ACAD9: variants seen among roughly 807,000 people sequenced by gnomAD.
The protein encoded by ACAD9 is acyl-CoA dehydrogenase family member 9.
Under a neutral mutation model 70.2 loss-of-function variants are expected in ACAD9, and 53 were observed. The observed-to-expected ratio is 0.75, with a 90% CI of 0.61 to 0.95. The LOEUF is 0.95. Among genes scored for constraint, ACAD9 ranks in the 40% least tolerant of loss-of-function variants. The probability of loss-of-function intolerance (pLI) is 0.00; values close to 1 mark genes in which losing one functional copy is unlikely to be tolerated. For missense variants in ACAD9, 777 were observed against 802.8 expected (o/e 0.97, Z 0.39); for synonymous variants, 313 against 312.1 (o/e 1.00, Z -0.03).
intron 2 of ACAD9, 168 bp from the exon 3 acceptor site, chr3:128,893,387 T>C: frequency 6.9e-6 from 4 of 581,762 alleles, no homozygotes; most frequent in Non-Finnish European, 1.2e-5. Context: ...CCTGGGCTCA[T>C]TACATAAAAT....
chr3:128,898,018 G>A (rs910369321), intron 6 of ACAD9, among the ~76,000 whole-genome samples: 2 of 152,008 alleles, frequency 1.3e-5, no homozygotes, highest in African/African-American at 4.8e-5. Flanking sequence ...CACCACTCCT[G>A]GCTAATTTTT....
intron 3 of ACAD9, among the ~76,000 whole-genome samples, chr3:128,894,185 C>A (rs561142753): frequency 7.9e-5 from 12 of 152,080 alleles, no homozygotes; most frequent in Non-Finnish European, 1.6e-4. Context: ...ACCCTCAGGC[C>A]CTTTTGATAT....
At chr3:128,905,071 G>A (rs1935847664) in intron 11 of ACAD9, among the ~76,000 whole-genome samples, 1 of 152,178 alleles carries the variant, frequency 6.6e-6, no homozygotes, top group Admixed American at 6.5e-5. Context: ...ACTTGAACCC[G>A]GTGGGGGCGG....
chr3:128,899,249 G>T (rs1436911586), intron 6 of ACAD9, 38 bp from the exon 7 acceptor site: 6 of 1,610,080 alleles, frequency 3.7e-6, no homozygotes, highest in Non-Finnish European at 4.2e-6. Flanking sequence ...GTCACATAGG[G>T]GTTTGGTTTT....
intron 12 of ACAD9, among the ~76,000 whole-genome samples, chr3:128,906,746 G>A (rs1484374768): frequency 1.3e-5 from 2 of 152,174 alleles, no homozygotes; most frequent in Non-Finnish European, 2.9e-5. Context: ...AAGAGAGAGT[G>A]AAGGGCTTTC....
At position 128,897,680 on chromosome 3, in the gene ACAD9, C is replaced by T; in HGVS notation, c.603C>T (p.Asp201=). The T allele has an allele frequency of 6.2e-7, 1 of 1,613,852 alleles. No homozygotes were observed. Among genetic ancestry groups the T allele is most frequent in the Non-Finnish European group, 8.5e-7 (1 of 1,179,870 alleles). ...GGAGCAGAGCCACACTAAGTGAAGA[C>T]AAGAAGCACTACATCCTCAATGGCT... is the stretch of plus-strand genomic sequence containing the variant. ...SIRSRATLSE[D]KKHYILNGSK... is the part of the protein sequence containing the mutation. The change falls in exon 6 of 18, where the codon GAC becomes GAT. Residue 201 remains aspartate, a synonymous_variant. Transcript: ENST00000308982.
At chr3:128,899,521 ACGG>A (rs1559825714) in intron 7 of ACAD9, 60 bp downstream of exon 7, 148 of 1,211,286 alleles carry the variant, frequency 1.2e-4, no homozygotes, top group Non-Finnish European at 1.7e-4. Context: ...CTGGCCTTTG[ACGG>A]TGTGTGTGTG....
intron 7 of ACAD9, among the ~76,000 whole-genome samples, 157 bp from the exon 8 acceptor site, chr3:128,901,119 A>G (rs1249955130): frequency 6.6e-6 from 1 of 152,220 alleles, no homozygotes; most frequent in South Asian, 2.1e-4. Context: ...AAATCAAAGT[A>G]TGAGCCTCCA....
intron 9 of ACAD9, among the ~76,000 whole-genome samples, chr3:128,903,781 G>T (rs1222917560): frequency 6.6e-6 from 1 of 152,196 alleles, no homozygotes; most frequent in East Asian, 1.9e-4. Context: ...GTTCAGGGAG[G>T]TGTCGCACTC....
intron 2 of ACAD9, among the ~76,000 whole-genome samples, chr3:128,891,961 C>A (rs902982426): frequency 2.0e-5 from 3 of 152,064 alleles, no homozygotes; most frequent in African/African-American, 7.3e-5. Context: ...GAATACTGAA[C>A]AACAAAAAGT....
intron 2 of ACAD9, among the ~76,000 whole-genome samples, chr3:128,891,990 G>A (rs1040794295): frequency 2.4e-4 from 37 of 152,122 alleles, no homozygotes; most frequent in African/African-American, 8.4e-4. Flanking sequence ...ATTTATACAC[G>A]CAACAACACG....
At position 128,910,147 on chromosome 3, in the gene ACAD9, G is replaced by A. The variant is rs780654152; in HGVS notation, c.1690G>A (p.Glu564Lys). The A allele has an allele frequency of 6.2e-7, 1 of 1,614,042 alleles. No homozygotes were observed. The highest frequency in any genetic ancestry group is 8.5e-7 in the Non-Finnish European group (1 of 1,180,054). The part of the protein sequence containing the change: ...IRIGLRNHDH[E>K]VLLANTFCVE... ...CATTGGGCTCCGCAACCACGACCAC[G>A]AGGTGAGCCCAGCCCAGCCTCACAC... The change falls in exon 16 of 18, where the codon GAG (glutamate) becomes AAG (lysine). Residue 564 changes from glutamate to lysine, a missense_variant and splice_region_variant. Coordinates refer to ENST00000308982, the MANE Select transcript of ACAD9 (RefSeq NM_014049.5).
chr3:128,905,252 A>C (rs1029706239), intron 11 of ACAD9, among the ~76,000 whole-genome samples: 1 of 152,216 alleles, frequency 6.6e-6, no homozygotes, highest in Non-Finnish European at 1.5e-5. Flanking sequence ...GCACACGCCT[A>C]TAGTCCCTGC....
chr3:128,879,728 G>A lies in ACAD9; in HGVS notation c.37G>A (p.Ala13Thr). ...GCGLFLRTTA[A>T]ARACRGLVVS... ...CGGGCTCTTCCTGCGCACCACGGCT[G>A]CGGCTCGTGCCTGCCGGGGTCTGGT... is the stretch of plus-strand genomic sequence containing the variant. The change falls in exon 1 of 18, where the codon GCG becomes ACG. Residue 13 changes from alanine (A) to threonine (T), a missense_variant. By Grantham distance (58) the Ala-to-Thr change is moderately conservative (BLOSUM62 0). Coordinates refer to ENST00000308982, the MANE Select transcript of ACAD9 (RefSeq NM_014049.5). 1.2e-6 allele frequency: 2 copies of A among 1,612,668 alleles called. No homozygotes were observed. Among genetic ancestry groups the A allele is most frequent in the Non-Finnish European group, 1.7e-6 (2 of 1,179,946 alleles).
intron 17 of ACAD9, 23 bp from the exon 18 acceptor site, chr3:128,912,484 C>T: frequency 1.3e-6 from 2 of 1,599,684 alleles, no homozygotes; most frequent in Non-Finnish European, 1.7e-6. Flanking sequence ...AGATCACCCA[C>T]CATCTCTCCT....
chr3:128,900,541 TA>T lies in ACAD9; in HGVS notation c.809-732del, dbSNP rs796836190. ...CACCCGGCCTTTTTTTTTTTTTTTT[TA>T]AATAGAGATGAGGTCTTGCTATGTT... is the stretch of plus-strand genomic sequence containing the variant. On this transcript the variant is annotated intron_variant, in intron 7 of 17. Coordinates refer to ENST00000308982, the MANE Select transcript of ACAD9 (RefSeq NM_014049.5). 4.5e-3 allele frequency among the ~76,000 whole-genome samples: 688 copies of T among 151,242 alleles called. 7 individuals carry two copies. The highest frequency in any genetic ancestry group is 0.016 in the African/African-American group (655 of 41,208).
Position 128,884,703 on chromosome 3 carries a change from C to G in ACAD9, c.201C>G (p.Ile67Met). 1 of 1,613,158 alleles carries G rather than the reference C, an allele frequency of 6.2e-7. No homozygotes were observed. Among genetic ancestry groups the G allele is most frequent in the Non-Finnish European group, 8.5e-7 (1 of 1,179,756 alleles). ...PEVSQDELNE[I>M]NQFLGPVEKF... Reference sequence around the variant, plus strand: ...TTAGCCAAGATGAACTTAATGAAATCAATCAGTTCTTGGGACCCGTGGAAA... The same window carrying G: ...TTAGCCAAGATGAACTTAATGAAATGAATCAGTTCTTGGGACCCGTGGAAA... Residue 67 changes from isoleucine (I) to methionine (M), a missense_variant, in exon 2 of 18, where the codon ATC becomes ATG. Coordinates refer to ENST00000308982, the MANE Select transcript of ACAD9 (RefSeq NM_014049.5).
At chr3:128,897,886 G>A (rs1380907282) in intron 6 of ACAD9, among the ~76,000 whole-genome samples, 176 bp downstream of exon 6, 1 of 151,690 alleles carries the variant, frequency 6.6e-6, no homozygotes, top group Non-Finnish European at 1.5e-5. Context: ...TTGCGATGGA[G>A]TCTCTGTCAC....
chr3:128,887,654 T>A (rs953537063), intron 2 of ACAD9, among the ~76,000 whole-genome samples: 39 of 137,556 alleles, frequency 2.8e-4, no homozygotes, highest in African/African-American at 1.1e-3. Flanking sequence ...AATATATATA[T>A]ATATATATAT....
Sources: gnomAD v4.1 joint callset for allele counts (sites outside exome capture counted in the v4.1 genomes callset) on GRCh38, gnomAD v4.1.1 for gene constraint, MANE v1.5 for transcripts, NCBI Gene and HGNC (gene_info 2026-07-23, HGNC 2026-07-21) for gene names.